The following CTNND2 variants were observed in gnomAD, a reference collection of about 807,000 sequenced individuals.
CTNND2 encodes catenin delta-2.
A neutral mutation model predicts 144.4 loss-of-function variants in CTNND2; 22 were observed. The ratio of observed to expected loss-of-function variants is 0.15; its 90% CI spans 0.11 to 0.22. The LOEUF is 0.22. Ranked by LOEUF, CTNND2 falls within the 10% of genes least tolerant of loss-of-function variation. The pLI, the probability that CTNND2 is intolerant of heterozygous loss-of-function variation, is 1.00. For synonymous variants in CTNND2, 751 were observed against 695.6 expected (o/e 1.08, Z -1.25); for missense variants, 1,353 against 1,618.8 (o/e 0.84, Z 2.82).
intron 8 of CTNND2, among the ~76,000 whole-genome samples, chr5:11,350,671 G>A (rs960290128): frequency 2.4e-4 from 37 of 152,074 alleles, no homozygotes; most frequent in African/African-American, 8.5e-4. Context: ...AAATAAGTTA[G>A]AGGCTAATCA....
At chr5:11,678,831 T>G (rs2126621431) in intron 2 of CTNND2, among the ~76,000 whole-genome samples, 1 of 152,196 alleles carries the variant, frequency 6.6e-6, no homozygotes, top group Admixed American at 6.5e-5. Flanking sequence ...TCCAGAGTAC[T>G]GGAGTTTTTG....
chr5:11,592,178 GCCTGCCTT>G, intron 2 of CTNND2, among the ~76,000 whole-genome samples: 1 of 131,306 alleles, frequency 7.6e-6, no homozygotes, highest in African/African-American at 2.9e-5. Flanking sequence ...CTTCCTGCCT[GCCTGCCTT>G]CCTGCCTGCC....
intron 3 of CTNND2, among the ~76,000 whole-genome samples, chr5:11,555,200 C>T (rs1351106399): frequency 1.3e-5 from 2 of 152,114 alleles, no homozygotes; most frequent in South Asian, 2.1e-4. Context: ...TTGTCATCCC[C>T]GTCCTGGAGA....
intron 7 of CTNND2, among the ~76,000 whole-genome samples, chr5:11,380,986 C>A (rs187249785): frequency 5.3e-4 from 80 of 152,250 alleles, no homozygotes; most frequent in Non-Finnish European, 9.0e-4. Context: ...CCAGACCACC[C>A]GGTCCCTCTG....
chr5:11,631,898 G>A lies in CTNND2; in HGVS notation c.175-66842C>T, dbSNP rs78823246. Reference sequence around the variant, plus strand: ...ATCCAAAAGACATGGGGCATGTCCCGGACCCCACCTCCAGAGAAGTGGTAT... The same window carrying A: ...ATCCAAAAGACATGGGGCATGTCCCAGACCCCACCTCCAGAGAAGTGGTAT... On this transcript the variant is annotated intron_variant, in intron 2 of 21. Coordinates refer to ENST00000304623, the MANE Select transcript of CTNND2 (RefSeq NM_001332.4). 1.1e-3 allele frequency among the ~76,000 whole-genome samples: 173 copies of A among 152,180 alleles called. 1 individual carries two copies. The highest frequency in any genetic ancestry group is 3.4e-3 in the Middle Eastern group (1 of 294).
chr5:11,047,205 G>A (rs146564528), intron 16 of CTNND2, among the ~76,000 whole-genome samples: 13 of 152,230 alleles, frequency 8.5e-5, no homozygotes, highest in African/African-American at 2.4e-4. Flanking sequence ...ATGGCACTCC[G>A]GCTGCTTCAG....
chr5:11,005,386 G>A (rs531722494), intron 18 of CTNND2, among the ~76,000 whole-genome samples: 1 of 152,272 alleles, frequency 6.6e-6, no homozygotes, highest in East Asian at 1.9e-4. Flanking sequence ...AGGTCAGATC[G>A]GGATTTTTAA....
At chr5:11,356,461 T>C (rs758067793) in intron 8 of CTNND2, among the ~76,000 whole-genome samples, 62 of 152,098 alleles carry the variant, frequency 4.1e-4, no homozygotes, top group Admixed American at 7.9e-4. Flanking sequence ...AGATGGTCTT[T>C]TCAACAGATA....
intron 9 of CTNND2, among the ~76,000 whole-genome samples, chr5:11,266,340 C>T (rs940392437): frequency 6.6e-6 from 1 of 152,154 alleles, no homozygotes; most frequent in African/African-American, 2.4e-5. Context: ...CATAAATACA[C>T]ACAAAAGCAT....
At chr5:11,221,247 T>C (rs1418697626) in intron 10 of CTNND2, among the ~76,000 whole-genome samples, 2 of 152,206 alleles carry the variant, frequency 1.3e-5, no homozygotes, top group East Asian at 1.9e-4. Context: ...GACTGAAACA[T>C]GGTCAAGCCA....
intron 18 of CTNND2, among the ~76,000 whole-genome samples, chr5:10,994,167 A>G (rs1172517953): frequency 7.0e-6 from 1 of 143,732 alleles, no homozygotes; most frequent in East Asian, 2.0e-4. Context: ...ACATATTAAT[A>G]CTAACGTGGC....
chr5:11,722,016 T>C (rs2126719349), intron 2 of CTNND2, among the ~76,000 whole-genome samples: 1 of 152,348 alleles, frequency 6.6e-6, no homozygotes, highest in African/African-American at 2.4e-5. Flanking sequence ...GCTAAGTTTA[T>C]TGTCACAATT....
intron 18 of CTNND2, among the ~76,000 whole-genome samples, chr5:11,005,130 T>C (rs917674754): frequency 1.5e-4 from 23 of 152,152 alleles, no homozygotes; most frequent in Non-Finnish European, 3.1e-4. Flanking sequence ...GGGGCAGCAA[T>C]AACCAGGATT....
chr5:11,262,488 C>A (rs1311034758), intron 9 of CTNND2, among the ~76,000 whole-genome samples: 1 of 152,140 alleles, frequency 6.6e-6, no homozygotes, highest in Non-Finnish European at 1.5e-5. Context: ...GTTGGCCGGG[C>A]GCAGTGGCTC....
chr5:11,213,710 A>C (rs1738877727), intron 10 of CTNND2, among the ~76,000 whole-genome samples: 1 of 152,170 alleles, frequency 6.6e-6, no homozygotes, highest in South Asian at 2.1e-4. Flanking sequence ...ACCTTCTCCC[A>C]GGCATTCCAT....
chr5:11,851,287 G>A (rs186865445), intron 1 of CTNND2, among the ~76,000 whole-genome samples: 123 of 152,268 alleles, frequency 8.1e-4, no homozygotes, highest in Middle Eastern at 6.8e-3. Flanking sequence ...ATGTGGGTGT[G>A]AGTGTATATG....
intron 9 of CTNND2, among the ~76,000 whole-genome samples, chr5:11,302,791 G>A (rs1463471899): frequency 6.6e-6 from 1 of 152,190 alleles, no homozygotes; most frequent in Non-Finnish European, 1.5e-5. Context: ...AATAGAGGAT[G>A]TAAATAAATG....
At chr5:11,813,245 C>G (rs1046245393) in intron 1 of CTNND2, among the ~76,000 whole-genome samples, 8 of 152,142 alleles carry the variant, frequency 5.3e-5, no homozygotes, top group Admixed American at 5.2e-4. Flanking sequence ...CAGGCTGTAC[C>G]AACTACTTGT....
chr5:11,563,744 G>GA (rs150060940), intron 3 of CTNND2, among the ~76,000 whole-genome samples: 1,561 of 146,024 alleles, frequency 0.011, 9 homozygotes, highest in Non-Finnish European at 0.015. Context: ...TCTATTTAAA[G>GA]AAAAAAAAAA....
Sources: gnomAD v4.1 joint callset for allele counts (sites outside exome capture counted in the v4.1 genomes callset) on GRCh38, gnomAD v4.1.1 for gene constraint, MANE v1.5 for transcripts, NCBI Gene and HGNC (gene_info 2026-07-23, HGNC 2026-07-21) for gene names.